Variants in RTL4 observed in about 807,000 individuals in gnomAD.
RTL4 encodes the protein retrotransposon Gag like 4.
RTL4 carries 4 observed loss-of-function variants against 5.3 expected under a neutral mutation model. The observed-to-expected ratio is 0.75, with a 90% confidence interval of 0.37 to 1.72. RTL4 has a LOEUF of 1.72. RTL4 is among the 40% of genes most tolerant of loss of function. The pLI is 0.04. For synonymous variants in RTL4, 98 were observed against 87.3 expected (o/e 1.12, Z -0.68); for missense variants, 260 against 227.1 (o/e 1.14, Z -0.93).
chrX:112,412,390 T>G, the RTL4 span, among the ~76,000 whole-genome samples: 3 of 111,446 alleles, frequency 2.7e-5, no homozygotes, highest in Non-Finnish European at 3.8e-5. Flanking sequence ...AGACCCAGAA[T>G]AGCCAAAGCT....
At chrX:112,179,922 T>A in the RTL4 span, among the ~76,000 whole-genome samples, 1 of 111,540 alleles carries the variant, frequency 9.0e-6, no homozygotes. Context: ...CATTTGGTGT[T>A]CACTCTGGTT....
the RTL4 span, among the ~76,000 whole-genome samples, chrX:112,364,692 GC>G: frequency 9.0e-6 from 1 of 111,029 alleles, no homozygotes; most frequent in Non-Finnish European, 1.9e-5. Context: ...GTAGTAGAGA[GC>G]AGAAGTGATA....
At chrX:112,113,492 C>T in the RTL4 span, among the ~76,000 whole-genome samples, 1 of 111,457 alleles carries the variant, frequency 9.0e-6, no homozygotes, top group Admixed American at 9.5e-5. Context: ...GGACAGCTGT[C>T]CCGGACAGGA....
At chrX:112,360,909 A>G in the RTL4 span, among the ~76,000 whole-genome samples, 1 of 111,159 alleles carries the variant, frequency 9.0e-6, no homozygotes, top group Admixed American at 9.6e-5. Flanking sequence ...GGAGTTATTT[A>G]TGGCCTAGGG....
chrX:112,425,434 G>A, the RTL4 span, among the ~76,000 whole-genome samples: 2 of 110,863 alleles, frequency 1.8e-5, no homozygotes, highest in African/African-American at 3.3e-5. Flanking sequence ...ATTCCTTTAG[G>A]TAAGTACCAA....
At chrX:112,305,943 T>C in the RTL4 span, among the ~76,000 whole-genome samples, 24 of 111,434 alleles carry the variant, frequency 2.2e-4, no homozygotes, top group African/African-American at 7.5e-4. Flanking sequence ...CAGAGGAGAT[T>C]TTACTGTATC....
chrX:112,110,801 T>C, the RTL4 span, among the ~76,000 whole-genome samples: 1 of 112,146 alleles, frequency 8.9e-6, no homozygotes, highest in South Asian at 3.8e-4. Flanking sequence ...TATCACTTAT[T>C]GAATACCCAT....
the RTL4 span, among the ~76,000 whole-genome samples, chrX:112,198,813 A>T: frequency 9.0e-6 from 1 of 110,730 alleles, no homozygotes; most frequent in Non-Finnish European, 1.9e-5. Context: ...AATTGTGCAG[A>T]TTGTTACTAT....
the RTL4 span, among the ~76,000 whole-genome samples, chrX:112,164,233 T>C: frequency 9.0e-6 from 1 of 110,799 alleles, no homozygotes; most frequent in African/African-American, 3.3e-5. Flanking sequence ...TGTCAGTTGA[T>C]GGGGAGAAGA....
At chrX:112,194,918 A>C in the RTL4 span, among the ~76,000 whole-genome samples, 1 of 112,219 alleles carries the variant, frequency 8.9e-6, no homozygotes, top group Admixed American at 9.5e-5. Flanking sequence ...TATGCCATTT[A>C]ATTTAGAGCT....
At chrX:112,449,454 A>ATGT in the RTL4 span, among the ~76,000 whole-genome samples, 56,000 of 110,081 alleles carry the variant, frequency 0.51, 11,334 homozygotes, top group African/African-American at 0.74. Context: ...AATGTAGATA[A>ATGT]TGAAACAGAA....
At chrX:112,099,476 A>T in the RTL4 span, among the ~76,000 whole-genome samples, 2 of 111,396 alleles carry the variant, frequency 1.8e-5, no homozygotes, top group Admixed American at 1.9e-4. Flanking sequence ...CTATAGAGAA[A>T]GTACTCTATC....
the RTL4 span, among the ~76,000 whole-genome samples, chrX:112,330,674 A>G: frequency 4.5e-5 from 5 of 111,367 alleles, no homozygotes; most frequent in African/African-American, 1.6e-4. Flanking sequence ...TTCATATGGA[A>G]CCAAAAAAGA....
the RTL4 span, among the ~76,000 whole-genome samples, chrX:112,329,255 C>T: frequency 1.2e-4 from 13 of 110,778 alleles, no homozygotes; most frequent in African/African-American, 4.3e-4. Context: ...AATTGATAGA[C>T]CGCTAGCAAG....
At chrX:112,188,413 A>G in the RTL4 span, among the ~76,000 whole-genome samples, 1 of 112,168 alleles carries the variant, frequency 8.9e-6, no homozygotes, top group African/African-American at 3.2e-5. Context: ...CCCCAGGCAG[A>G]CACTGGGCTC....
At chrX:112,309,263 G>T in the RTL4 span, among the ~76,000 whole-genome samples, 1 of 109,321 alleles carries the variant, frequency 9.1e-6, no homozygotes, top group Admixed American at 9.8e-5. Context: ...CTGACCTCTT[G>T]CTGTCTCAAG....
the RTL4 span, among the ~76,000 whole-genome samples, chrX:112,442,788 T>A: frequency 0.5 from 55,107 of 109,387 alleles, 10,938 homozygotes; most frequent in African/African-American, 0.72. Context: ...TTTTATTTTT[T>A]ATATTTGTGG....
At chrX:112,112,356 CT>C in the RTL4 span, among the ~76,000 whole-genome samples, 3 of 111,815 alleles carry the variant, frequency 2.7e-5, no homozygotes, top group African/African-American at 9.8e-5. Context: ...AGTATTTGCC[CT>C]CTGGGTCTCC....
chrX:112,267,757 C>T, the RTL4 span, among the ~76,000 whole-genome samples: 1,401 of 111,076 alleles, frequency 0.013, 24 homozygotes, highest in African/African-American at 0.043. Context: ...TCTTTTCTCA[C>T]TCTCTCTTTC....
Sources: allele counts gnomAD v4.1 joint callset (sites outside exome capture counted in the v4.1 genomes callset), GRCh38; gene constraint gnomAD v4.1.1; transcripts MANE v1.5; gene names NCBI Gene and HGNC (gene_info 2026-07-23, HGNC 2026-07-21).